Variants in ADARB1 observed in about 807,000 individuals in gnomAD.
ADARB1 encodes adenosine deaminase RNA specific B1.
Under a neutral mutation model 52.4 loss-of-function variants are expected in ADARB1, and 10 were observed. That is an observed-to-expected ratio of 0.19 (90% CI 0.12 to 0.32). The LOEUF is 0.32. ADARB1 is among the 10% of genes least tolerant of loss of function. The pLI, the probability that ADARB1 is intolerant of heterozygous loss-of-function variation, is 1.00. For missense variants in ADARB1, 643 were observed against 922.3 expected, an observed-to-expected ratio of 0.70 and a Z score of 3.92; for synonymous variants, 349 against 371.1, an observed-to-expected ratio of 0.94 and a Z score of 0.68.
intron 1 of ADARB1, among the ~76,000 whole-genome samples, chr21:45,126,010 A>C (rs2088557168): frequency 6.6e-6 from 1 of 152,176 alleles, no homozygotes; most frequent in Non-Finnish European, 1.5e-5. Context: ...TTCTGTACAT[A>C]ATCTTTTCTA....
At chr21:45,120,428 C>A (rs776855444) in intron 1 of ADARB1, among the ~76,000 whole-genome samples, 8 of 152,214 alleles carry the variant, frequency 5.3e-5, no homozygotes, top group African/African-American at 1.9e-4. Context: ...CGTGAACTGT[C>A]GATTGAATGC....
chr21:45,114,964 T>C (rs8129204), intron 1 of ADARB1, among the ~76,000 whole-genome samples: 2,155 of 152,282 alleles, frequency 0.014, 49 homozygotes, highest in African/African-American at 0.05. Context: ...GAGAGCTGGA[T>C]ATGGGGAATG....
intron 1 of ADARB1, among the ~76,000 whole-genome samples, chr21:45,085,617 A>T (rs897807783): frequency 6.6e-6 from 1 of 152,226 alleles, no homozygotes; most frequent in African/African-American, 2.4e-5. Context: ...CCAGGAGCAG[A>T]GCAGGGTTAA....
At chr21:45,076,805 A>G (rs2085955043) in intron 1 of ADARB1, among the ~76,000 whole-genome samples, 1 of 152,244 alleles carries the variant, frequency 6.6e-6, no homozygotes, top group Non-Finnish European at 1.5e-5. Flanking sequence ...AACTTAATCC[A>G]TTTGACAAAT....
At chr21:45,198,871 A>T (rs2092487534) in intron 8 of ADARB1, among the ~76,000 whole-genome samples, 1 of 151,560 alleles carries the variant, frequency 6.6e-6, no homozygotes, top group Non-Finnish European at 1.5e-5. Flanking sequence ...AAGCTTCATT[A>T]ATTCCTCTTA....
At chr21:45,093,430 G>A (rs140344003) in intron 1 of ADARB1, among the ~76,000 whole-genome samples, 7 of 152,344 alleles carry the variant, frequency 4.6e-5, no homozygotes, top group Non-Finnish European at 7.3e-5. Context: ...TGACGTCCTT[G>A]ACAAGAGGAA....
At position 45,200,052 on chromosome 21, in the gene ADARB1, C is replaced by T. The variant is rs149511175; in HGVS notation, c.1566-4503C>T. 6.6e-6 allele frequency among the ~76,000 whole-genome samples: 1 copy of T among 152,298 alleles called. No homozygotes were observed. The highest frequency in any genetic ancestry group is 2.4e-5 in the African/African-American group (1 of 41,568). ...CCAGAAAAGTTGCCCGGAAAGAGCC[C>T]TGGTGGCCAAAATGATGCCAGTTGG... On this transcript the variant is annotated intron_variant, in intron 8 of 10. Transcript: ENST00000348831. This position sits in a 1 kb window ranked among gnomAD's most constrained non-coding sequence, Gnocchi z 5.0.
chr21:45,090,991 T>C (rs8132752), intron 1 of ADARB1, among the ~76,000 whole-genome samples: 10,211 of 152,348 alleles, frequency 0.067, 400 homozygotes, highest in East Asian at 0.16. Context: ...ATGTTGGGCA[T>C]TGCTGCCATG....
intron 1 of ADARB1, among the ~76,000 whole-genome samples, chr21:45,124,105 C>T (rs2088393639): frequency 2.0e-5 from 3 of 152,108 alleles, no homozygotes; most frequent in Non-Finnish European, 4.4e-5. Flanking sequence ...TGTTTGCATT[C>T]CCATCATAAA....
Position 45,223,070 on chromosome 21 carries a change from T to G in ADARB1, c.*873T>G. 1.0e-6 allele frequency: 1 copy of G among 985,456 alleles called. No homozygotes were observed. Among genetic ancestry groups the G allele is most frequent in the Non-Finnish European group, 1.2e-6 (1 of 829,918 alleles). 61.0% of individuals were successfully genotyped at this position (985,456 alleles called of 1,614,324 possible). A position where few individuals can be genotyped will look rare whatever the true frequency, so the allele number is the denominator to read the frequency against. ...TAAAGGATATTTAACTTTTATGGAC[T>G]AGAAGGAATCACGAGGGCTACTGCA... On this transcript the variant is annotated 3_prime_UTR_variant, in exon 11 of 11. Coordinates refer to ENST00000348831, the MANE Select transcript of ADARB1 (RefSeq NM_001112.4).
intron 1 of ADARB1, among the ~76,000 whole-genome samples, chr21:45,105,364 A>G (rs1178471606): frequency 6.6e-6 from 1 of 152,170 alleles, no homozygotes; most frequent in Non-Finnish European, 1.5e-5. Flanking sequence ...GGCCTCTTAA[A>G]GTGCTGGGAT....
At chr21:45,150,202 A>C (rs2090212973) in intron 2 of ADARB1, among the ~76,000 whole-genome samples, 1 of 152,226 alleles carries the variant, frequency 6.6e-6, no homozygotes, top group Admixed American at 6.5e-5. Context: ...TGAATCCAGG[A>C]GGTGGAGGTT....
At chr21:45,156,003 CAT>C (rs2090569110) in intron 2 of ADARB1, among the ~76,000 whole-genome samples, 4 of 898 alleles carry the variant, frequency 4.5e-3, no homozygotes, top group Non-Finnish European at 6.4e-3. Context: ...CATCATCCAT[CAT>C]CCACTCACCC....
rs575067115 is a variant in ADARB1, at chr21:45,198,554, T to C, written c.1566-6001T>C. 1.2e-4 allele frequency among the ~76,000 whole-genome samples: 18 copies of C among 148,516 alleles called. No homozygotes were observed. In the South Asian group the frequency reaches 3.8e-3, roughly 32 times the overall value. Reference sequence around the variant, plus strand: ...ACACACAGAGAATAAATTAAGAAAATAGAAGGAAGGAGAGTCTGTGGAGAG... The same window carrying C: ...ACACACAGAGAATAAATTAAGAAAACAGAAGGAAGGAGAGTCTGTGGAGAG... On this transcript the variant is annotated intron_variant, in intron 8 of 10. Transcript: ENST00000348831.
chr21:45,133,719 T>A (rs1052421053), intron 2 of ADARB1: 2 of 285,682 alleles, frequency 7.0e-6, no homozygotes, highest in African/African-American at 2.3e-5. Flanking sequence ...GATGGGTGTA[T>A]GCTCGACAGT....
At chr21:45,127,242 C>G (rs983030186) in intron 1 of ADARB1, among the ~76,000 whole-genome samples, 1 of 152,072 alleles carries the variant, frequency 6.6e-6, no homozygotes, top group Non-Finnish European at 1.5e-5. Flanking sequence ...TCCACCCAGG[C>G]GTGGTGATTG....
At chr21:45,212,250 C>G (rs955924236) in intron 9 of ADARB1, among the ~76,000 whole-genome samples, 4 of 152,128 alleles carry the variant, frequency 2.6e-5, no homozygotes, top group African/African-American at 9.7e-5. Flanking sequence ...AATGGACACC[C>G]TCTCTTCTAG....
chr21:45,091,420 T>TTGTA (rs898100026), intron 1 of ADARB1, among the ~76,000 whole-genome samples: 8 of 152,354 alleles, frequency 5.3e-5, no homozygotes, highest in African/African-American at 1.7e-4. Context: ...GATGAAAGTG[T>TTGTA]TGTAATACTA....
At position 45,084,116 on chromosome 21, in the gene ADARB1, C is replaced by G. The variant is rs150031174; in HGVS notation, c.-220+9323C>G. On this transcript the variant is annotated intron_variant, in intron 1 of 10. Coordinates refer to ENST00000348831, the MANE Select transcript of ADARB1 (RefSeq NM_001112.4). ...GCTTCTGAACAGGATGGTGCATTCT[C>G]TTCATGCCTCTGCTGCAGGCTCCTT... 1.1e-3 allele frequency among the ~76,000 whole-genome samples: 171 copies of G among 152,334 alleles called. 1 individual carries two copies. Among genetic ancestry groups the G allele is most frequent in the Admixed American group, 2.9e-3 (45 of 15,304 alleles).
Sources: gnomAD v4.1 joint callset for allele counts (sites outside exome capture counted in the v4.1 genomes callset) on GRCh38, gnomAD v4.1.1 for gene constraint, Gnocchi (gnomAD v3.1) non-coding constraint, MANE v1.5 for transcripts, NCBI Gene and HGNC (gene_info 2026-07-23, HGNC 2026-07-21) for gene names.